Variants in SUPT3H observed in about 807,000 individuals in gnomAD.
SUPT3H encodes SPT3 homolog, SAGA and STAGA complex component.
In SUPT3H, 44 loss-of-function variants were observed where a neutral mutation model predicts 44.3. The ratio of observed to expected loss-of-function variants is 0.99; its 90% CI spans 0.78 to 1.28. The LOEUF is 1.28. Among genes scored for constraint, SUPT3H ranks in the 50% most tolerant of loss-of-function variants. SUPT3H has a pLI of 0.00. For synonymous variants in SUPT3H, 124 were observed against 125.6 expected, an observed-to-expected ratio of 0.99 and a Z score of 0.09; for missense variants, 380 against 387.1, an observed-to-expected ratio of 0.98 and a Z score of 0.15.
chr6:45,271,279 G>A (rs950743058), intron 2 of SUPT3H, among the ~76,000 whole-genome samples: 14 of 152,134 alleles, frequency 9.2e-5, no homozygotes, highest in African/African-American at 3.4e-4. Flanking sequence ...AATGTCAGAG[G>A]CCTTCACGGA....
chr6:45,328,269 T>A, intron 2 of SUPT3H: 1 of 1,355,880 alleles, frequency 7.4e-7, no homozygotes, highest in African/African-American at 1.5e-5. Context: ...TCTCCAGTAA[T>A]AGTGCTTGCA....
intron 10 of SUPT3H, among the ~76,000 whole-genome samples, chr6:44,861,475 C>T (rs1486591729): frequency 1.3e-5 from 2 of 152,002 alleles, no homozygotes; most frequent in Admixed American, 6.6e-5. Flanking sequence ...CAACCTCCGC[C>T]TCCTGGATTC....
chr6:45,158,298 A>ATATATATATATATATATATATATTTTTTT, intron 2 of SUPT3H, among the ~76,000 whole-genome samples: 2 of 99,694 alleles, frequency 2.0e-5, no homozygotes, highest in African/African-American at 1.0e-4. Context: ...ATATATATAT[A>ATATATATATATATATATATATATTTTTTT]TTTTTTTTTT....
intron 2 of SUPT3H, among the ~76,000 whole-genome samples, chr6:45,264,888 G>C (rs1465359914): frequency 6.6e-6 from 1 of 152,016 alleles, no homozygotes; most frequent in Non-Finnish European, 1.5e-5. Context: ...TTAAAGAAAA[G>C]AGAAACTATT....
intron 10 of SUPT3H, among the ~76,000 whole-genome samples, chr6:44,922,421 G>A (rs569381007): frequency 7.1e-4 from 108 of 152,256 alleles, no homozygotes; most frequent in African/African-American, 2.5e-3. Context: ...TAAATTAAAG[G>A]ACATTTCAAT....
intron 3 of SUPT3H, among the ~76,000 whole-genome samples, chr6:45,068,203 T>C: frequency 6.7e-6 from 1 of 149,494 alleles, no homozygotes; most frequent in East Asian, 2.0e-4. Flanking sequence ...CTCAGTAAAC[T>C]ATCACAAGAA....
intron 2 of SUPT3H, among the ~76,000 whole-genome samples, chr6:45,157,984 ACGT>A (rs1300376549): frequency 1.0e-3 from 151 of 150,312 alleles, no homozygotes; most frequent in African/African-American, 3.5e-3. Flanking sequence ...TATTAATAAT[ACGT>A]AATTATAACT....
At chr6:44,891,611 G>T (rs1763330148) in intron 10 of SUPT3H, among the ~76,000 whole-genome samples, 1 of 151,996 alleles carries the variant, frequency 6.6e-6, no homozygotes. Context: ...GGAAAGAATG[G>T]GTTGTTATTG....
chr6:45,317,736 C>G (rs957162591), intron 2 of SUPT3H, among the ~76,000 whole-genome samples: 2 of 151,938 alleles, frequency 1.3e-5, no homozygotes, highest in Admixed American at 6.6e-5. Context: ...TGCAAAGCTG[C>G]TAGAAGAAAA....
intron 4 of SUPT3H, among the ~76,000 whole-genome samples, chr6:45,015,783 G>GCA (rs1381412091): frequency 3.8e-5 from 5 of 130,976 alleles, no homozygotes; most frequent in South Asian, 2.5e-4. Flanking sequence ...AAACTAAGAT[G>GCA]CACACACGCG....
chr6:45,174,869 CAT>C (rs1173134826), intron 2 of SUPT3H, among the ~76,000 whole-genome samples: 4 of 151,850 alleles, frequency 2.6e-5, no homozygotes, highest in Admixed American at 6.6e-5. Context: ...TCTCCTTACA[CAT>C]GATTCATCTA....
At position 45,092,472 on chromosome 6, in the gene SUPT3H, C is replaced by T. The variant is rs772058389; in HGVS notation, c.186+13450G>A. Among the ~76,000 whole-genome samples, 5 of 151,952 alleles carry T rather than the reference C, an allele frequency of 3.3e-5. 1 individual carries two copies. Among genetic ancestry groups the T allele is most frequent in the Admixed American group, 6.6e-5 (1 of 15,246 alleles). On this transcript the variant is annotated intron_variant, in intron 3 of 10. Coordinates refer to ENST00000371459, the MANE Select transcript of SUPT3H (RefSeq NM_003599.4). ...TTTAATTAAAAAATTTGAAGTCAGC[C>T]GGGTGCGGTGGCTCACACCTGTAAT...
chr6:45,277,848 A>G (rs1001991148), intron 2 of SUPT3H, among the ~76,000 whole-genome samples: 2 of 152,210 alleles, frequency 1.3e-5, no homozygotes, highest in Non-Finnish European at 2.9e-5. Context: ...TACTTTTTCA[A>G]ACAACTAAAT....
In SUPT3H at chr6:44,954,522, T is replaced by C. The variant is rs113497980; in HGVS notation, c.666A>G (p.Ala222=). Residue 222 remains alanine, a synonymous_variant, in exon 8 of 11, where the codon GCA becomes GCG. Transcript: ENST00000371459. Reference sequence around the variant, plus strand: ...GTGCCACAGTTTCATACGCTAAATATGCTAAGATTTCCATTGCGACAACAT... The same window carrying C: ...GTGCCACAGTTTCATACGCTAAATACGCTAAGATTTCCATTGCGACAACAT... ...KPNVVAMEIL[A]YLAYETVAQL... The C allele has an allele frequency of 6.2e-7, 1 of 1,613,916 alleles. No individual in the cohort carries two copies. The highest frequency in any genetic ancestry group is 8.5e-7 in the Non-Finnish European group (1 of 1,179,924).
chr6:45,014,819 C>G lies in SUPT3H; in HGVS notation c.346G>C (p.Glu116Gln). Residue 116 changes from glutamate (E) to glutamine (Q), a missense_variant, in exon 5 of 11, where the codon GAG becomes CAG. By Grantham distance (29) the Glu-to-Gln change is conservative. Coordinates refer to ENST00000371459, the MANE Select transcript of SUPT3H (RefSeq NM_003599.4). Reference protein sequence around the residue: ...YKSKIVKGIDEDDLLEDKLSG... With the variant: ...YKSKIVKGIDQDDLLEDKLSG... ...TGGTTACCTTCGAGAAGATCATCCT[C>G]ATCGATGCCTTTGACAATCTTTGAT... The G allele has an allele frequency of 6.3e-7, 1 of 1,592,754 alleles. No homozygotes were observed. Among genetic ancestry groups the G allele is most frequent in the Non-Finnish European group, 8.5e-7 (1 of 1,170,802 alleles).
chr6:44,964,454 T>C (rs1776499181), intron 6 of SUPT3H, among the ~76,000 whole-genome samples: 1 of 152,196 alleles, frequency 6.6e-6, no homozygotes, highest in South Asian at 2.1e-4. Context: ...CCTCTGCATA[T>C]ATGCTTACAT....
At chr6:44,941,286 T>C (rs1772383191) in intron 9 of SUPT3H, among the ~76,000 whole-genome samples, 1 of 152,128 alleles carries the variant, frequency 6.6e-6, no homozygotes, top group Non-Finnish European at 1.5e-5. Context: ...TTTGTTTCCA[T>C]GTTTAGGACT....
intron 10 of SUPT3H, among the ~76,000 whole-genome samples, chr6:44,905,972 C>G (rs7742708): frequency 0.02 from 3,056 of 151,814 alleles, 48 homozygotes; most frequent in Non-Finnish European, 0.03. Flanking sequence ...GGGAACTGAA[C>G]AATGAGAACA....
chr6:45,001,419 AC>A (rs1389204628), intron 6 of SUPT3H, among the ~76,000 whole-genome samples: 1 of 152,070 alleles, frequency 6.6e-6, no homozygotes, highest in African/African-American at 2.4e-5. Flanking sequence ...ACGATGATGA[AC>A]TAGTAAGGCA....
Sources: allele counts gnomAD v4.1 joint callset (sites outside exome capture counted in the v4.1 genomes callset), GRCh38; gene constraint gnomAD v4.1.1; transcripts MANE v1.5; gene names NCBI Gene and HGNC (gene_info 2026-07-23, HGNC 2026-07-21).